Variants in DLGAP1 observed in about 807,000 individuals in gnomAD.
DLGAP1 encodes the protein DLG associated protein 1.
In DLGAP1, 11 loss-of-function variants were observed where a neutral mutation model predicts 90.8. The ratio of observed to expected loss-of-function variants is 0.12; its 90% CI spans 0.08 to 0.20. DLGAP1 has a LOEUF of 0.20. DLGAP1 is among the 10% of genes least tolerant of loss of function. DLGAP1 has a pLI of 1.00. For synonymous variants in DLGAP1, 558 were observed against 540.7 expected, an observed-to-expected ratio of 1.03 and a Z score of -0.44; for missense variants, 1,050 against 1,333.8, an observed-to-expected ratio of 0.79 and a Z score of 3.31.
intron 2 of DLGAP1, among the ~76,000 whole-genome samples, chr18:4,017,305 C>G (rs923796938): frequency 6.6e-6 from 1 of 152,092 alleles, no homozygotes; most frequent in African/African-American, 2.4e-5. Context: ...CTCGTGTACA[C>G]CAAGGGTGTA....
At chr18:4,181,794 G>C (rs758313695) in intron 1 of DLGAP1, among the ~76,000 whole-genome samples, 1 of 151,764 alleles carries the variant, frequency 6.6e-6, no homozygotes, top group Non-Finnish European at 1.5e-5. Context: ...TACAGCTTTC[G>C]GTAGATAATG....
intron 2 of DLGAP1, among the ~76,000 whole-genome samples, chr18:4,103,757 A>C (rs1266313140): frequency 6.6e-6 from 1 of 152,130 alleles, no homozygotes; most frequent in Non-Finnish European, 1.5e-5. Context: ...ATTGTTTGCT[A>C]TTTCTTTGAA....
intron 1 of DLGAP1, among the ~76,000 whole-genome samples, chr18:4,238,151 T>C (rs2078457707): frequency 6.6e-6 from 1 of 152,188 alleles, no homozygotes; most frequent in African/African-American, 2.4e-5. Context: ...TATTTCTATT[T>C]GTACAAGGTA....
intron 7 of DLGAP1, among the ~76,000 whole-genome samples, chr18:3,716,268 G>T (rs1303013604): frequency 1.3e-5 from 2 of 152,214 alleles, no homozygotes; most frequent in Admixed American, 1.3e-4. Flanking sequence ...TAGTTTCTTG[G>T]CTGGATATGG....
intron 5 of DLGAP1, among the ~76,000 whole-genome samples, chr18:3,772,077 C>A (rs2064583129): frequency 6.6e-6 from 1 of 152,174 alleles, no homozygotes; most frequent in Non-Finnish European, 1.5e-5. Context: ...ATGGTAAAAA[C>A]AGTTAAAACC....
At chr18:4,184,328 T>G (rs2077255866) in intron 1 of DLGAP1, among the ~76,000 whole-genome samples, 1 of 152,122 alleles carries the variant, frequency 6.6e-6, no homozygotes. Context: ...TTATTTACAT[T>G]TATTAACATG....
At chr18:4,304,034 C>T (rs918313605) in intron 1 of DLGAP1, among the ~76,000 whole-genome samples, 9 of 152,208 alleles carry the variant, frequency 5.9e-5, no homozygotes, top group African/African-American at 2.2e-4. Context: ...CATATGCTTT[C>T]CCCTATCAGA....
At chr18:4,404,318 A>C (rs747837126) in intron 1 of DLGAP1, among the ~76,000 whole-genome samples, 2 of 152,180 alleles carry the variant, frequency 1.3e-5, no homozygotes, top group Non-Finnish European at 2.9e-5. Flanking sequence ...TTTGAAATAC[A>C]TTTTGATTTT....
intron 2 of DLGAP1, among the ~76,000 whole-genome samples, chr18:4,026,079 T>C (rs1292671615): frequency 6.6e-6 from 1 of 152,256 alleles, no homozygotes; most frequent in Non-Finnish European, 1.5e-5. Context: ...TGTCAGGTTC[T>C]TGCGGCAGCA....
intron 9 of DLGAP1, among the ~76,000 whole-genome samples, chr18:3,539,405 C>G (rs900271948): frequency 1.3e-5 from 2 of 152,150 alleles, no homozygotes; most frequent in South Asian, 2.1e-4. Flanking sequence ...ATTACAACTT[C>G]TGAAAAATGC....
chr18:3,821,309 A>AG (rs1266804286), intron 4 of DLGAP1, among the ~76,000 whole-genome samples: 260 of 148,896 alleles, frequency 1.7e-3, no homozygotes, highest in African/African-American at 6.4e-3. Context: ...AAAAAAAAAA[A>AG]AAAAGATGAA....
chr18:3,667,728 A>C (rs2059932800), intron 7 of DLGAP1, among the ~76,000 whole-genome samples: 2 of 152,138 alleles, frequency 1.3e-5, no homozygotes, highest in Admixed American at 1.3e-4. Flanking sequence ...GGGGCCTGAG[A>C]GGGTCCATTC....
At chr18:4,296,418 C>T (rs898518765) in intron 1 of DLGAP1, among the ~76,000 whole-genome samples, 1 of 152,186 alleles carries the variant, frequency 6.6e-6, no homozygotes, top group African/African-American at 2.4e-5. Context: ...CTCTCAGAAA[C>T]ATTTTAGCAA....
intron 3 of DLGAP1, among the ~76,000 whole-genome samples, chr18:3,924,123 T>G (rs2072327912): frequency 6.6e-6 from 1 of 152,216 alleles, no homozygotes; most frequent in Non-Finnish European, 1.5e-5. Context: ...AGTGTCACTA[T>G]TACAGAAATA....
chr18:4,296,469 G>T (rs1008419633), intron 1 of DLGAP1, among the ~76,000 whole-genome samples: 7 of 152,206 alleles, frequency 4.6e-5, no homozygotes, highest in African/African-American at 1.7e-4. Flanking sequence ...CCACGTGCTT[G>T]CATTCACAGT....
intron 1 of DLGAP1, among the ~76,000 whole-genome samples, chr18:4,344,124 T>C (rs2081258881): frequency 6.6e-6 from 1 of 152,228 alleles, no homozygotes; most frequent in Non-Finnish European, 1.5e-5. Context: ...TCAGCAATCA[T>C]ACCAGAGGTA....
At chr18:3,681,199 A>G (rs1260770458) in intron 7 of DLGAP1, among the ~76,000 whole-genome samples, 1 of 152,220 alleles carries the variant, frequency 6.6e-6, no homozygotes, top group African/African-American at 2.4e-5. Flanking sequence ...AGTGGACTTG[A>G]AAACAGTACT....
intron 5 of DLGAP1, among the ~76,000 whole-genome samples, chr18:3,801,908 GA>G (rs1163299895): frequency 6.6e-6 from 1 of 151,824 alleles, no homozygotes; most frequent in Non-Finnish European, 1.5e-5. Context: ...ATCTAAATAA[GA>G]AAAAAAATCT....
chr18:4,237,549 C>T (rs2078444424), intron 1 of DLGAP1, among the ~76,000 whole-genome samples: 1 of 152,128 alleles, frequency 6.6e-6, no homozygotes, highest in East Asian at 1.9e-4. Flanking sequence ...AGGTTCCTGC[C>T]TTTTCTGAGA....
Sources: allele counts gnomAD v4.1 joint callset (sites outside exome capture counted in the v4.1 genomes callset), GRCh38; gene constraint gnomAD v4.1.1; transcripts MANE v1.5; gene names NCBI Gene and HGNC (gene_info 2026-07-23, HGNC 2026-07-21).